CD3E: variants seen among roughly 807,000 people sequenced by gnomAD.
The protein encoded by CD3E is T-cell surface glycoprotein CD3 epsilon chain.
CD3E carries 16 observed loss-of-function variants against 34.7 expected under a neutral mutation model. The observed-to-expected ratio is 0.46, with a 90% CI of 0.31 to 0.70. CD3E has a LOEUF of 0.70. Among genes scored for constraint, CD3E ranks in the 30% least tolerant of loss-of-function variants. The pLI is 0.05. For missense variants in CD3E, 223 were observed against 253.9 expected (o/e 0.88, Z 0.83); for synonymous variants, 70 against 90.8 (o/e 0.77, Z 1.30).
intron 2 of CD3E, among the ~76,000 whole-genome samples, chr11:118,306,786 T>C (rs902552222): frequency 1.3e-5 from 2 of 152,162 alleles, no homozygotes. Context: ...GCACAGGCCC[T>C]AGTTGATGAG....
intron 4 of CD3E, 41 bp from the exon 5 acceptor site, chr11:118,312,112 C>T (rs1271002620): frequency 1.3e-6 from 2 of 1,581,560 alleles, no homozygotes; most frequent in Non-Finnish European, 8.7e-7. Context: ...AAACTTAAAC[C>T]ATGATATTTT....
At chr11:118,312,020 G>T in intron 4 of CD3E, 133 bp from the exon 5 acceptor site, 1 of 779,046 alleles carries the variant, frequency 1.3e-6, no homozygotes. Flanking sequence ...CCAAGACTCG[G>T]GGTTCCTAAA....
chr11:118,313,686 T>A, intron 6 of CD3E, 21 bp from the exon 7 acceptor site: 7 of 1,612,608 alleles, frequency 4.3e-6, no homozygotes, highest in Non-Finnish European at 5.9e-6. Context: ...ATTTCCCCTC[T>A]CCCCACCCCA....
rs888475605 is a variant in CD3E at position 118,315,792 on chromosome 11, G to A, written c.*250G>A. ...GTAGTCACACCCTCACAGCTGGCCT[G>A]CCCTCTTGCCAGGATATTTATTTGT... On this transcript the variant is annotated 3_prime_UTR_variant, in exon 9 of 9. Coordinates refer to ENST00000361763, the MANE Select transcript of CD3E (RefSeq NM_000733.4). 1 of 595,078 alleles carries A rather than the reference G, an allele frequency of 1.7e-6. No individual in the cohort carries two copies. The highest frequency in any genetic ancestry group is 1.9e-5 in the African/African-American group (1 of 53,922). The allele number at this position is 595,078 out of a possible 1,614,324, so 36.9% of individuals were successfully genotyped here.
chr11:118,311,356 T>C (rs775327390), intron 4 of CD3E, among the ~76,000 whole-genome samples: 13 of 152,232 alleles, frequency 8.5e-5, no homozygotes, highest in Non-Finnish European at 1.6e-4. Flanking sequence ...AAATGGCTGC[T>C]GTGGGAAACA....
intron 4 of CD3E, among the ~76,000 whole-genome samples, chr11:118,311,664 C>CAGTG (rs2134765550): frequency 6.6e-6 from 1 of 152,320 alleles, no homozygotes; most frequent in African/African-American, 2.4e-5. Flanking sequence ...GTCCACGAAT[C>CAGTG]AGTGATTCAG....
chr11:118,314,960 T>TACACACACACACACACACAC (rs58102034), intron 8 of CD3E, among the ~76,000 whole-genome samples: 2 of 143,644 alleles, frequency 1.4e-5, no homozygotes, highest in Non-Finnish European at 3.0e-5. Context: ...CACACACACA[T>TACACACACACACACACACAC]ACACACACAC....
chr11:118,308,353 A>AC (rs1383917262), intron 3 of CD3E, 74 bp from the exon 4 acceptor site: 1 of 1,133,564 alleles, frequency 8.8e-7, no homozygotes, highest in East Asian at 2.4e-5. Context: ...AAGAGTCCCA[A>AC]CCCACGGGAG....
chr11:118,312,912 A>G lies in CD3E; in HGVS notation c.352+46A>G, dbSNP rs748420647. The G allele has an allele frequency of 5.6e-6, 9 of 1,611,890 alleles. No individual in the cohort carries two copies. In the Admixed American group the frequency reaches 1.5e-4, roughly 27 times the overall value. On this transcript the variant is annotated intron_variant, in intron 6 of 8. Transcript: ENST00000361763. ...AGGTACCACCGGCTCTTTAGGGAGG[A>G]CCATTCAAAAGGGCATTCTCAGTGA...
rs57137348 is a variant in CD3E, at chr11:118,305,192, G to A, written c.49+191G>A. Among the ~76,000 whole-genome samples, 785 of 152,356 alleles carry A rather than the reference G, an allele frequency of 5.2e-3. 9 individuals are homozygous for A. The highest frequency in any genetic ancestry group is 0.018 in the African/African-American group (744 of 41,574). On this transcript the variant is annotated intron_variant, in intron 2 of 8. Coordinates refer to ENST00000361763, the MANE Select transcript of CD3E (RefSeq NM_000733.4). ...ATAGGCCACGGGTGCCTGGGAGAGC[G>A]TTCGGGGAGCAGGCAAAGAAGAGCA...
At chr11:118,309,144 G>A (rs1346459339) in intron 4 of CD3E, among the ~76,000 whole-genome samples, 1 of 152,188 alleles carries the variant, frequency 6.6e-6, no homozygotes, top group Non-Finnish European at 1.5e-5. Context: ...GGGTGTGTTT[G>A]AGTAATTTAC....
intron 4 of CD3E, among the ~76,000 whole-genome samples, chr11:118,309,285 C>T (rs1446557492): frequency 6.6e-6 from 1 of 152,044 alleles, no homozygotes; most frequent in African/African-American, 2.4e-5. Flanking sequence ...ACATAAAAGG[C>T]AGTAGGAGGG....
intron 6 of CD3E, 92 bp downstream of exon 6, chr11:118,312,958 A>G (rs1948144398): frequency 6.9e-7 from 1 of 1,456,764 alleles, no homozygotes; most frequent in Non-Finnish European, 9.6e-7. Flanking sequence ...CCCAGCTCAC[A>G]GTGCCCAGGC....
Position 118,313,876 on chromosome 11 carries a change from T to C in CD3E, c.520+2T>C, listed in dbSNP as rs483352928. The C allele has an allele frequency of 5.0e-6, 8 of 1,612,536 alleles. No individual in the cohort carries two copies. Among genetic ancestry groups the C allele is most frequent in the Non-Finnish European group, 6.8e-6 (8 of 1,179,858 alleles). Reference sequence around the variant, plus strand: ...CGGGTGCTGGCGGCAGGCAAAGGGGTAAGGCTGTGGAGTCCAGTCAGAGGA... The same window carrying C: ...CGGGTGCTGGCGGCAGGCAAAGGGGCAAGGCTGTGGAGTCCAGTCAGAGGA... On this transcript the variant is annotated splice_donor_variant, in intron 7 of 8. Coordinates refer to ENST00000361763, the MANE Select transcript of CD3E (RefSeq NM_000733.4). LOFTEE classifies it high-confidence loss of function.
rs778855337 is a variant in CD3E at position 118,315,462 on chromosome 11, G to T, written c.568-24G>T. 1.9e-6 allele frequency: 3 copies of T among 1,607,806 alleles called. No homozygotes were observed. The African/African-American group carries it at 4.0e-5, about 22-fold the overall frequency. On this transcript the variant is annotated intron_variant, in intron 8 of 8. Coordinates refer to ENST00000361763, the MANE Select transcript of CD3E (RefSeq NM_000733.4). ...GGTACTTCCTCCCGCACCACTGACC[G>T]CCCCCTCTCTATTTCACCCCCAGCC...
chr11:118,310,989 A>C (rs1419964668), intron 4 of CD3E, among the ~76,000 whole-genome samples: 2 of 152,214 alleles, frequency 1.3e-5, no homozygotes, highest in African/African-American at 2.4e-5. Context: ...GAAGGAAAGG[A>C]GGAAAGGAAG....
chr11:118,308,925 A>G (rs1294471360), intron 4 of CD3E, among the ~76,000 whole-genome samples: 3 of 152,246 alleles, frequency 2.0e-5, no homozygotes, highest in Non-Finnish European at 2.9e-5. Flanking sequence ...AAAATGAAGT[A>G]TAAAGAGGGG....
intron 4 of CD3E, among the ~76,000 whole-genome samples, chr11:118,310,045 C>T (rs1339941794): frequency 2.6e-5 from 4 of 152,078 alleles, no homozygotes; most frequent in African/African-American, 7.2e-5. Flanking sequence ...TATATGATAC[C>T]GAAGTTCATT....
intron 6 of CD3E, 53 bp downstream of exon 6, chr11:118,312,919 A>G (rs778784531): frequency 6.2e-7 from 1 of 1,607,556 alleles, no homozygotes; most frequent in Non-Finnish European, 8.5e-7. Context: ...AGGACCATTC[A>G]AAAGGGCATT....
Sources: allele counts gnomAD v4.1 joint callset (sites outside exome capture counted in the v4.1 genomes callset), GRCh38; gene constraint gnomAD v4.1.1; transcripts MANE v1.5; gene names NCBI Gene and HGNC (gene_info 2026-07-23, HGNC 2026-07-21).